The following SPATA7 variants were observed in gnomAD, a reference collection of about 807,000 sequenced individuals.
The protein encoded by SPATA7 is spermatogenesis associated 7, also known as spermatogenesis-associated protein 7.
A neutral mutation model predicts 51.8 loss-of-function variants in SPATA7; 43 were observed. That is an observed-to-expected ratio of 0.83 (90% CI 0.65 to 1.07). The LOEUF (loss-of-function observed/expected upper bound fraction) is 1.07. SPATA7 is among the 50% of genes least tolerant of loss of function. The probability of loss-of-function intolerance (pLI) is 0.00; values close to 1 mark genes in which losing one functional copy is unlikely to be tolerated. For synonymous variants in SPATA7, 230 were observed against 252.8 expected (o/e 0.91, Z 0.86); for missense variants, 683 against 701.3 (o/e 0.97, Z 0.30).
intron 1 of SPATA7, among the ~76,000 whole-genome samples, chr14:88,388,693 A>G (rs1157656261): frequency 1.3e-5 from 2 of 152,188 alleles, no homozygotes; most frequent in African/African-American, 4.8e-5. Flanking sequence ...GTGGTTTGTA[A>G]TCAGCCTGGG....
At chr14:88,423,054 C>T (rs1426305998) in intron 5 of SPATA7, among the ~76,000 whole-genome samples, 1 of 152,072 alleles carries the variant, frequency 6.6e-6, no homozygotes, top group East Asian at 1.9e-4. Flanking sequence ...CTTTTCTTCT[C>T]CCATACTCTG....
chr14:88,432,402 T>C (rs2076965752), intron 9 of SPATA7, among the ~76,000 whole-genome samples: 1 of 152,218 alleles, frequency 6.6e-6, no homozygotes, highest in Admixed American at 6.5e-5. Flanking sequence ...ATTTAGTTAC[T>C]TGCTACTTAC....
At chr14:88,442,057 G>A (rs888004067), downstream of SPATA7, among the ~76,000 whole-genome samples, 5 of 152,066 alleles carry the variant, frequency 3.3e-5, no homozygotes, top group East Asian at 1.9e-4. Flanking sequence ...TCTTCTACAC[G>A]TGGCTTACCA....
At chr14:88,391,559 A>G (rs1419353657) in intron 2 of SPATA7, 104 bp downstream of exon 2, 5 of 911,334 alleles carry the variant, frequency 5.5e-6, no homozygotes, top group Non-Finnish European at 8.8e-6. Context: ...CATTTGACGA[A>G]TATTTGAACT....
intron 5 of SPATA7, among the ~76,000 whole-genome samples, chr14:88,419,735 C>T (rs1056416593): frequency 2.0e-5 from 3 of 152,028 alleles, no homozygotes; most frequent in African/African-American, 7.3e-5. Context: ...CCATGTTAGC[C>T]AGGATGGTCT....
At chr14:88,462,579 A>G (rs1459831263) in intron 4 of SPATA7, among the ~76,000 whole-genome samples, 1 of 152,226 alleles carries the variant, frequency 6.6e-6, no homozygotes, top group East Asian at 1.9e-4. Flanking sequence ...CTTTGTACAC[A>G]CTTTAAAAAC....
chr14:88,465,074 G>GT (rs2077347551), intron 4 of SPATA7, among the ~76,000 whole-genome samples: 1 of 152,116 alleles, frequency 6.6e-6, no homozygotes, highest in Non-Finnish European at 1.5e-5. Flanking sequence ...CGACCAAAGG[G>GT]TTTTAAAGTC....
At chr14:88,465,457 A>G (rs2077350733) in intron 4 of SPATA7, among the ~76,000 whole-genome samples, 1 of 152,084 alleles carries the variant, frequency 6.6e-6, no homozygotes, top group Admixed American at 6.6e-5. Context: ...ATAGAGCAAG[A>G]CTCCGTCTCA....
intron 10 of SPATA7, among the ~76,000 whole-genome samples, chr14:88,434,144 A>G (rs780853548): frequency 8.5e-5 from 13 of 152,218 alleles, no homozygotes; most frequent in Non-Finnish European, 1.6e-4. Context: ...GAAAAAAAGT[A>G]CACATACAAA....
chr14:88,437,845 T>A lies in SPATA7; in HGVS notation c.1223T>A (p.Met408Lys). 6.3e-7 allele frequency: 1 copy of A among 1,588,328 alleles called. No individual in the cohort carries two copies. Among genetic ancestry groups the A allele is most frequent in the Admixed American group, 1.9e-5 (1 of 53,570 alleles). The change falls in exon 12 of 12, where the codon ATG becomes AAG. Residue 408 changes from methionine to lysine, a missense_variant. Coordinates refer to ENST00000393545, the MANE Select transcript of SPATA7 (RefSeq NM_018418.5). ...KQNKHLEEEKMRHLLHVLKVD... is the reference protein window; with the variant it reads ...KQNKHLEEEKKRHLLHVLKVD... Reference sequence around the variant, plus strand: ...ATCTTTTCTTAATCCTAGGAAAAAATGCGCCACCTGCTGCATGTCCTGAAA... The same window carrying A: ...ATCTTTTCTTAATCCTAGGAAAAAAAGCGCCACCTGCTGCATGTCCTGAAA...
chr14:88,431,771 C>T (rs1226063217), intron 9 of SPATA7, among the ~76,000 whole-genome samples: 1 of 152,110 alleles, frequency 6.6e-6, no homozygotes, highest in Non-Finnish European at 1.5e-5. Flanking sequence ...ATCCATGTTG[C>T]CACAAATGAC....
At chr14:88,409,914 T>C (rs935638581) in intron 4 of SPATA7, among the ~76,000 whole-genome samples, 1 of 152,222 alleles carries the variant, frequency 6.6e-6, no homozygotes, top group Non-Finnish European at 1.5e-5. Context: ...GTGAGTTTCT[T>C]AATCCTGAGT....
At chr14:88,388,883 T>G (rs74071521) in intron 1 of SPATA7, among the ~76,000 whole-genome samples, 5,352 of 152,222 alleles carry the variant, frequency 0.035, 306 homozygotes, top group African/African-American at 0.12. Flanking sequence ...GATTGTGCAC[T>G]TGCCCAAAGC....
chr14:88,469,934 C>A lies in SPATA7; in HGVS notation c.*67C>A. 1 of 1,614,086 alleles carries A rather than the reference C, an allele frequency of 6.2e-7. No individual in the cohort carries two copies. The highest frequency in any genetic ancestry group is 1.7e-5 in the Admixed American group (1 of 60,030). The stretch of plus-strand genomic sequence containing the variant: ...AATAAGTACCTACCTCTTCTGCTGT[C>A]ACCATTGCTATAATTGCAATTCCCT... On this transcript the variant is annotated 3_prime_UTR_variant, in exon 5 of 5. Transcript: ENST00000556406. The surrounding 1 kb of genome is among the most constrained non-coding windows in gnomAD (Gnocchi z 4.3).
chr14:88,396,868 CTTTTTTCTT>C (rs968502337), intron 4 of SPATA7, among the ~76,000 whole-genome samples: 13 of 101,136 alleles, frequency 1.3e-4, no homozygotes, highest in East Asian at 2.8e-4. Context: ...CTTTTCTTTT[CTTTTTTCTT>C]TTTTTTTTTT....
At chr14:88,398,687 TTTTCTAAG>T (rs1307161603) in intron 4 of SPATA7, among the ~76,000 whole-genome samples, 8 of 152,076 alleles carry the variant, frequency 5.3e-5, no homozygotes, top group South Asian at 4.2e-4. Context: ...AAGTTTAGTG[TTTTCTAAG>T]TTTCTAAGTT....
intron 5 of SPATA7, among the ~76,000 whole-genome samples, chr14:88,421,967 A>G (rs1183625302): frequency 6.6e-6 from 1 of 150,966 alleles, no homozygotes; most frequent in Non-Finnish European, 1.5e-5. Context: ...AAAAAAAAGT[A>G]GAATCTGCAG....
downstream of SPATA7, among the ~76,000 whole-genome samples, chr14:88,440,678 TTTTGAGCTGTGAC>T (rs1458428129): frequency 6.6e-6 from 1 of 152,190 alleles, no homozygotes; most frequent in Non-Finnish European, 1.5e-5. Flanking sequence ...ATTTGATTCC[TTTTGAGCTGTGAC>T]TTTGAGCTGG....
rs768417423 is a variant in SPATA7 at position 88,385,703 on chromosome 14, C to T, written c.-116C>T. ...CGGCCTGGCAACGGTTTCCCTGCTGCTGCAGCCCCCGTCGGCTCCTCTTTT... is the reference window on the plus strand; with the variant it reads ...CGGCCTGGCAACGGTTTCCCTGCTGTTGCAGCCCCCGTCGGCTCCTCTTTT... On this transcript the variant is annotated 5_prime_UTR_variant, in exon 1 of 12. Coordinates refer to ENST00000393545, the MANE Select transcript of SPATA7 (RefSeq NM_018418.5). 23 of 1,019,438 alleles carry T rather than the reference C, an allele frequency of 2.3e-5. No homozygotes were observed. The highest frequency in any genetic ancestry group is 2.9e-5 in the Non-Finnish European group (19 of 664,880). The allele number at this position is 1,019,438 out of a possible 1,614,324, so 63.1% of individuals were successfully genotyped here. A position where few individuals can be genotyped will look rare whatever the true frequency, so the allele number is the denominator to read the frequency against.
Sources: gnomAD v4.1 joint callset for allele counts (sites outside exome capture counted in the v4.1 genomes callset) on GRCh38, gnomAD v4.1.1 for gene constraint, Gnocchi (gnomAD v3.1) non-coding constraint, MANE v1.5 for transcripts, NCBI Gene and HGNC (gene_info 2026-07-23, HGNC 2026-07-21) for gene names.